Variants in AHCYL2 observed in about 807,000 individuals in gnomAD.
AHCYL2 encodes the protein adenosylhomocysteinase like 2.
Under a neutral mutation model 81.4 loss-of-function variants are expected in AHCYL2, and 28 were observed. The observed-to-expected ratio is 0.34, with a 90% CI of 0.25 to 0.47. The LOEUF is 0.47. Among genes scored for constraint, AHCYL2 ranks in the 20% least tolerant of loss-of-function variants. The probability of loss-of-function intolerance (pLI) is 1.00; values close to 1 mark genes in which losing one functional copy is unlikely to be tolerated. For missense variants in AHCYL2, 551 were observed against 785.1 expected, an observed-to-expected ratio of 0.70 and a Z score of 3.56; for synonymous variants, 272 against 290.2, an observed-to-expected ratio of 0.94 and a Z score of 0.64.
chr7:129,244,588 G>A (rs949275021), intron 1 of AHCYL2, among the ~76,000 whole-genome samples: 2 of 152,160 alleles, frequency 1.3e-5, no homozygotes, highest in African/African-American at 2.4e-5. Flanking sequence ...TCACTTGGGG[G>A]AAGAGGGAAG....
intron 1 of AHCYL2, among the ~76,000 whole-genome samples, chr7:129,345,755 T>C (rs147204175): frequency 2.2e-4 from 34 of 152,270 alleles, no homozygotes; most frequent in African/African-American, 3.4e-4. Flanking sequence ...CACAGAATTA[T>C]ATACTGGGGC....
chr7:129,394,567 C>A (rs1695226568), intron 4 of AHCYL2, among the ~76,000 whole-genome samples: 1 of 151,208 alleles, frequency 6.6e-6, no homozygotes, highest in South Asian at 2.1e-4. Flanking sequence ...CCTGCCTCAG[C>A]CTCCCGAATA....
intron 5 of AHCYL2, among the ~76,000 whole-genome samples, chr7:129,398,569 G>C (rs1371212136): frequency 3.3e-5 from 5 of 150,852 alleles, no homozygotes; most frequent in African/African-American, 9.7e-5. Flanking sequence ...AGTAGAGACG[G>C]GGTTTCACCA....
At chr7:129,359,235 GAAA>G (rs200020655) in intron 1 of AHCYL2, among the ~76,000 whole-genome samples, 1 of 151,866 alleles carries the variant, frequency 6.6e-6, no homozygotes, top group African/African-American at 2.4e-5. Context: ...ACATTAAAAA[GAAA>G]AAAAGACACC....
intron 1 of AHCYL2, among the ~76,000 whole-genome samples, chr7:129,311,981 CT>C (rs375063761): frequency 1.3e-5 from 2 of 152,042 alleles, no homozygotes; most frequent in African/African-American, 4.8e-5. Flanking sequence ...CTGCTACACT[CT>C]TTTTTTTCTT....
At chr7:129,410,580 A>G (rs1272312445) in intron 11 of AHCYL2, among the ~76,000 whole-genome samples, 1 of 152,182 alleles carries the variant, frequency 6.6e-6, no homozygotes, top group African/African-American at 2.4e-5. Context: ...TGTACACTTG[A>G]TTTTTTATTT....
intron 1 of AHCYL2, among the ~76,000 whole-genome samples, chr7:129,243,148 G>A (rs1563163941): frequency 6.6e-6 from 1 of 151,132 alleles, no homozygotes; most frequent in Non-Finnish European, 1.5e-5. Flanking sequence ...AGCCTCCTGA[G>A]TAGCTGGGAT....
chr7:129,350,935 C>G (rs185168047), intron 1 of AHCYL2, among the ~76,000 whole-genome samples: 1 of 151,532 alleles, frequency 6.6e-6, no homozygotes. Context: ...AACTTCTGAC[C>G]TCAGGTGATC....
At chr7:129,397,598 A>G (rs765403438) in intron 5 of AHCYL2, among the ~76,000 whole-genome samples, 2 of 152,254 alleles carry the variant, frequency 1.3e-5, no homozygotes, top group African/African-American at 2.4e-5. Flanking sequence ...CACTAATAGC[A>G]GAGCACTAGT....
chr7:129,372,525 C>T (rs1027636675), intron 1 of AHCYL2, among the ~76,000 whole-genome samples: 5 of 152,142 alleles, frequency 3.3e-5, no homozygotes, highest in African/African-American at 1.2e-4. Context: ...AAGATCACCT[C>T]AGCTGGGCGT....
At position 129,299,640 on chromosome 7, in the gene AHCYL2, G is replaced by T. The variant is rs1037400595; in HGVS notation, c.363+74201G>T. On this transcript the variant is annotated intron_variant, in intron 1 of 16. Coordinates refer to ENST00000325006, the MANE Select transcript of AHCYL2 (RefSeq NM_015328.4). ...GATCTCCTTACCTCGTGATCCACCC[G>T]CCTTGGCCTCCCAAAGTGCTGGGAT... is the stretch of plus-strand genomic sequence containing the variant. Among the ~76,000 whole-genome samples the T allele has an allele frequency of 2.6e-5, 4 of 151,730 alleles. No individual in the cohort carries two copies. The East Asian group carries it at 7.7e-4, about 29-fold the overall frequency.
intron 1 of AHCYL2, among the ~76,000 whole-genome samples, chr7:129,331,218 C>G (rs1196985170): frequency 4.6e-5 from 7 of 151,944 alleles, no homozygotes; most frequent in Non-Finnish European, 8.8e-5. Flanking sequence ...TTTTATACAC[C>G]CTGATAGAAA....
chr7:129,344,669 G>A (rs537968507), intron 1 of AHCYL2, among the ~76,000 whole-genome samples: 2 of 152,270 alleles, frequency 1.3e-5, no homozygotes, highest in South Asian at 4.1e-4. Flanking sequence ...AAAGCAGGTG[G>A]CAGTATGTAT....
chr7:129,260,101 T>C (rs1795571937), intron 1 of AHCYL2, among the ~76,000 whole-genome samples: 1 of 151,378 alleles, frequency 6.6e-6, no homozygotes, highest in Admixed American at 6.6e-5. Context: ...AAAGCTGATA[T>C]AAGACAAATT....
intron 1 of AHCYL2, among the ~76,000 whole-genome samples, chr7:129,362,597 G>GTTTTTTT (rs769346623): frequency 1.2e-3 from 77 of 63,648 alleles, no homozygotes; most frequent in Non-Finnish European, 1.5e-3. Context: ...TGGTTTTCTT[G>GTTTTTTT]TTTTTTTTTT....
At chr7:129,299,374 T>G (rs1473973032) in intron 1 of AHCYL2, among the ~76,000 whole-genome samples, 1 of 16,638 alleles carries the variant, frequency 6.0e-5, no homozygotes, top group Non-Finnish European at 1.3e-4. Flanking sequence ...AACTTGTTTT[T>G]TTTTTTTTTT....
intron 1 of AHCYL2, among the ~76,000 whole-genome samples, chr7:129,355,434 A>G (rs1448991132): frequency 1.3e-5 from 2 of 152,222 alleles, no homozygotes. Context: ...TTAAACAGAA[A>G]TACATATAAA....
intron 1 of AHCYL2, among the ~76,000 whole-genome samples, chr7:129,370,705 A>T (rs1794365561): frequency 6.6e-6 from 1 of 152,190 alleles, no homozygotes; most frequent in African/African-American, 2.4e-5. Flanking sequence ...CTCAAAACAA[A>T]CAAACAAAAT....
At chr7:129,328,196 G>T (rs1449258520) in intron 1 of AHCYL2, among the ~76,000 whole-genome samples, 1 of 151,578 alleles carries the variant, frequency 6.6e-6, no homozygotes, top group Non-Finnish European at 1.5e-5. Flanking sequence ...TGTTTGTTTT[G>T]AGAGAGAGTC....
Sources: allele counts gnomAD v4.1 joint callset (sites outside exome capture counted in the v4.1 genomes callset), GRCh38; gene constraint gnomAD v4.1.1; transcripts MANE v1.5; gene names NCBI Gene and HGNC (gene_info 2026-07-23, HGNC 2026-07-21).